The following PPHLN1 variants were observed in gnomAD, a reference collection of about 807,000 sequenced individuals.
PPHLN1 encodes the protein periphilin-1.
A neutral mutation model predicts 51.3 loss-of-function variants in PPHLN1; 29 were observed. The observed-to-expected ratio is 0.57, with a 90% confidence interval of 0.42 to 0.77. PPHLN1 has a LOEUF of 0.77. Among genes scored for constraint, PPHLN1 ranks in the 30% least tolerant of loss-of-function variants. The probability of loss-of-function intolerance (pLI) is 0.00; values close to 1 mark genes in which losing one functional copy is unlikely to be tolerated. For missense variants in PPHLN1, 436 were observed against 438.4 expected, an observed-to-expected ratio of 0.99 and a Z score of 0.05; for synonymous variants, 147 against 147.8, an observed-to-expected ratio of 0.99 and a Z score of 0.04.
intron 9 of PPHLN1, among the ~76,000 whole-genome samples, chr12:42,407,468 G>A (rs1014620476): frequency 6.6e-6 from 1 of 152,188 alleles, no homozygotes; most frequent in African/African-American, 2.4e-5. Flanking sequence ...ACACCTTAAT[G>A]CTTTCATTGG....
At chr12:42,387,623 T>C (rs1427947283) in intron 7 of PPHLN1, 88 bp downstream of exon 7, 4 of 1,458,420 alleles carry the variant, frequency 2.7e-6, no homozygotes, top group East Asian at 2.4e-5. Context: ...TTTACTGTTA[T>C]GCCAAGGGAG....
chr12:42,336,848 A>G (rs1383417033), intron 2 of PPHLN1, among the ~76,000 whole-genome samples: 1 of 152,232 alleles, frequency 6.6e-6, no homozygotes, highest in Non-Finnish European at 1.5e-5. Flanking sequence ...ATTATATACC[A>G]TCAAAAGCCA....
intron 7 of PPHLN1, among the ~76,000 whole-genome samples, chr12:42,392,128 A>G (rs1017428382): frequency 4.6e-5 from 7 of 152,130 alleles, no homozygotes; most frequent in Non-Finnish European, 1.0e-4. Context: ...AGGTTGGGGA[A>G]TCGCTTGAAC....
At chr12:42,402,888 T>C (rs1367212849) in intron 9 of PPHLN1, among the ~76,000 whole-genome samples, 1 of 152,204 alleles carries the variant, frequency 6.6e-6, no homozygotes, top group Non-Finnish European at 1.5e-5. Flanking sequence ...TCATTTCAGC[T>C]ACTACTCATT....
intron 5 of PPHLN1, among the ~76,000 whole-genome samples, chr12:42,380,353 C>T (rs2076650471): frequency 6.6e-6 from 1 of 151,802 alleles, no homozygotes; most frequent in African/African-American, 2.4e-5. Flanking sequence ...GCCTAGCTTC[C>T]CTTATTTTTC....
rs865975627 is a variant in PPHLN1, at chr12:42,374,862, G to A, written c.300-1G>A. On this transcript the variant is annotated splice_acceptor_variant, in intron 4 of 9. Transcript: ENST00000358314. LOFTEE classifies it high-confidence loss of function. Reference sequence around the variant, plus strand: ...ATTTTATGTTTTTTTTTTTTTCAAAGGGACATGAGAGATGGCTTTAGAAGA... The same window carrying A: ...ATTTTATGTTTTTTTTTTTTTCAAAAGGACATGAGAGATGGCTTTAGAAGA... 6.6e-7 allele frequency: 1 copy of A among 1,503,924 alleles called. No homozygotes were observed. Among genetic ancestry groups the A allele is most frequent in the South Asian group, 1.2e-5 (1 of 82,516 alleles). The allele number at this position is 1,503,924 out of a possible 1,614,324, so 93.2% of individuals were successfully genotyped here.
downstream of PPHLN1, chr12:42,447,679 T>G (rs924209084): frequency 2.6e-5 from 4 of 152,208 alleles, no homozygotes; most frequent in African/African-American, 9.7e-5. Flanking sequence ...TTCTATTCTC[T>G]CTCACTTGAA....
At chr12:42,398,658 A>AG (rs2078506045) in intron 8 of PPHLN1, 196 bp from the exon 9 acceptor site, 11 of 423,934 alleles carry the variant, frequency 2.6e-5, no homozygotes, top group Non-Finnish European at 4.0e-5. Flanking sequence ...TAAAAAAAAA[A>AG]AAGTAGCAGT....
At chr12:42,342,290 A>G (rs1039930681) in intron 2 of PPHLN1, among the ~76,000 whole-genome samples, 3 of 152,124 alleles carry the variant, frequency 2.0e-5, no homozygotes, top group Non-Finnish European at 2.9e-5. Context: ...GGGTCTTGCT[A>G]TGTCATCCAG....
chr12:42,410,450 A>G (rs946016897), intron 9 of PPHLN1, among the ~76,000 whole-genome samples: 1 of 152,218 alleles, frequency 6.6e-6, no homozygotes, highest in African/African-American at 2.4e-5. Context: ...ATGTGTTCAG[A>G]TAAGATACTG....
intron 1 of PPHLN1, among the ~76,000 whole-genome samples, chr12:42,333,563 A>C (rs1459357090): frequency 4.6e-5 from 7 of 151,796 alleles, no homozygotes; most frequent in Non-Finnish European, 1.0e-4. Flanking sequence ...GCTCACTGCA[A>C]GCTCCGCCTC....
chr12:42,415,418 G>C (rs753979932), intron 9 of PPHLN1, among the ~76,000 whole-genome samples: 1 of 152,264 alleles, frequency 6.6e-6, no homozygotes, highest in Admixed American at 6.5e-5. Context: ...TGATTCACCC[G>C]CCTCGGCCTC....
chr12:42,432,783 C>T (rs1204818378), intron 9 of PPHLN1, among the ~76,000 whole-genome samples: 1 of 152,230 alleles, frequency 6.6e-6, no homozygotes, highest in Non-Finnish European at 1.5e-5. Flanking sequence ...GGAAAAGCTG[C>T]TGCAAGTTGT....
At chr12:42,426,792 C>G (rs1421246691) in intron 9 of PPHLN1, among the ~76,000 whole-genome samples, 2 of 152,076 alleles carry the variant, frequency 1.3e-5, no homozygotes, top group East Asian at 3.9e-4. Context: ...TCATTGGACC[C>G]AGTAACAGTT....
At chr12:42,384,205 T>C (rs1175662211) in intron 5 of PPHLN1, among the ~76,000 whole-genome samples, 1 of 151,712 alleles carries the variant, frequency 6.6e-6, no homozygotes, top group African/African-American at 2.4e-5. Context: ...GGCAAGATGC[T>C]GATAGTGCCA....
At chr12:42,367,472 T>G (rs2075382652) in intron 4 of PPHLN1, among the ~76,000 whole-genome samples, 1 of 152,162 alleles carries the variant, frequency 6.6e-6, no homozygotes, top group Non-Finnish European at 1.5e-5. Context: ...AGCAACCTTA[T>G]GTCTTACCTT....
chr12:42,417,036 G>A (rs1364136901), intron 9 of PPHLN1, among the ~76,000 whole-genome samples: 1 of 152,186 alleles, frequency 6.6e-6, no homozygotes, highest in African/African-American at 2.4e-5. Context: ...TGGCTATACA[G>A]AAATGTTTGG....
chr12:42,392,021 A>T (rs1291691030), intron 7 of PPHLN1, among the ~76,000 whole-genome samples: 2 of 152,194 alleles, frequency 1.3e-5, no homozygotes, highest in Non-Finnish European at 2.9e-5. Flanking sequence ...GTTTGAGACC[A>T]GCCTGGCCAA....
At chr12:42,384,852 C>T (rs888454474) in intron 5 of PPHLN1, 88 bp from the exon 6 acceptor site, 129 of 1,302,854 alleles carry the variant, frequency 9.9e-5, no homozygotes, top group Middle Eastern at 3.8e-4. Context: ...AGCCCCTGTT[C>T]TCATCACTCC....
Sources: gnomAD v4.1 joint callset for allele counts (sites outside exome capture counted in the v4.1 genomes callset) on GRCh38, gnomAD v4.1.1 for gene constraint, MANE v1.5 for transcripts, NCBI Gene and HGNC (gene_info 2026-07-23, HGNC 2026-07-21) for gene names.